JCAD: variants seen among roughly 807,000 people sequenced by gnomAD.
JCAD encodes junctional cadherin 5-associated protein.
JCAD carries 40 observed loss-of-function variants against 98.0 expected under a neutral mutation model. The ratio of observed to expected loss-of-function variants is 0.41; its 90% confidence interval spans 0.32 to 0.53. JCAD has a LOEUF of 0.53. JCAD is among the 20% of genes least tolerant of loss of function. The pLI is 0.31. For synonymous variants in JCAD, 691 were observed against 682.3 expected (o/e 1.01, Z -0.20); for missense variants, 1,705 against 1,738.1 (o/e 0.98, Z 0.34).
intron 1 of JCAD, among the ~76,000 whole-genome samples, chr10:30,100,532 C>T (rs1286591427): frequency 6.6e-6 from 1 of 152,094 alleles, no homozygotes; most frequent in Non-Finnish European, 1.5e-5. Flanking sequence ...CAGGCACCCA[C>T]CACCACACCC....
chr10:30,046,255 G>A (rs757852882), intron 2 of JCAD, among the ~76,000 whole-genome samples: 1 of 152,124 alleles, frequency 6.6e-6, no homozygotes, highest in African/African-American at 2.4e-5. Flanking sequence ...AACCGCCTGG[G>A]AGAGGGTTTC....
Position 30,028,085 on chromosome 10 carries a change from T to C in JCAD, c.2063A>G (p.Asp688Gly). 1 of 1,614,242 alleles carries C rather than the reference T, an allele frequency of 6.2e-7. No homozygotes were observed. The highest frequency in any genetic ancestry group is 8.5e-7 in the Non-Finnish European group (1 of 1,180,034). The change falls in exon 3 of 4, where the codon GAT (aspartate) becomes GGT (glycine). Residue 688 changes from aspartate to glycine, a missense_variant. Coordinates refer to ENST00000375377, the MANE Select transcript of JCAD (RefSeq NM_020848.4). Reference protein sequence around the residue: ...SGSWPGHRYRDQQTQTSFSEE... With the variant: ...SGSWPGHRYRGQQTQTSFSEE... ...GGAGAAACTGGTTTGTGTTTGCTGA[T>C]CTCTGTACCGGTGCCCTGGCCAAGA...
At chr10:30,064,617 T>C (rs1458599382) in intron 2 of JCAD, among the ~76,000 whole-genome samples, 2 of 152,034 alleles carry the variant, frequency 1.3e-5, no homozygotes, top group African/African-American at 4.8e-5. Context: ...CACCAGAACT[T>C]ATTCCTCCTA....
At chr10:30,084,927 G>A (rs1001560762) in intron 1 of JCAD, among the ~76,000 whole-genome samples, 1 of 151,952 alleles carries the variant, frequency 6.6e-6, no homozygotes, top group Admixed American at 6.6e-5. Context: ...GATGAATACG[G>A]ATAGCAATTA....
At chr10:30,019,989 TAAAA>T (rs71023538) in intron 3 of JCAD, among the ~76,000 whole-genome samples, 1 of 133,934 alleles carries the variant, frequency 7.5e-6, no homozygotes. Context: ...GTGATTCACT[TAAAA>T]AAAAAAAAAA....
chr10:30,040,694 A>T (rs1030584439), intron 2 of JCAD, among the ~76,000 whole-genome samples: 3 of 152,156 alleles, frequency 2.0e-5, no homozygotes, highest in African/African-American at 7.2e-5. Flanking sequence ...TCTGGTGATG[A>T]CACCCTAGGG....
upstream of JCAD, among the ~76,000 whole-genome samples, chr10:30,060,468 A>C (rs1473441207): frequency 6.6e-6 from 1 of 152,228 alleles, no homozygotes; most frequent in Non-Finnish European, 1.5e-5. Context: ...GGGTCTGCTC[A>C]GGGCGAACGT....
At chr10:30,089,420 T>C (rs192162375) in intron 1 of JCAD, among the ~76,000 whole-genome samples, 2 of 152,082 alleles carry the variant, frequency 1.3e-5, no homozygotes, top group African/African-American at 4.8e-5. Flanking sequence ...GCTGCCCCAT[T>C]TGGCAGTCAC....
rs765214594 is a variant in JCAD, at chr10:30,015,465, C to T, written c.*2418G>A. ...TTAAACTTTTCAAGTTACCTTCCCC[C>T]CAAAAAAGATTTACATGTAGGCTTA... is the stretch of plus-strand genomic sequence containing the variant. On this transcript the variant is annotated 3_prime_UTR_variant, in exon 4 of 4. Transcript: ENST00000375377. 1.1e-4 allele frequency: 16 copies of T among 152,002 alleles called. No homozygotes were observed. The highest frequency in any genetic ancestry group is 2.1e-4 in the Non-Finnish European group (14 of 67,992). The allele number at this position is 152,002 out of a possible 1,614,324, so 9.4% of individuals were successfully genotyped here.
intron 1 of JCAD, among the ~76,000 whole-genome samples, chr10:30,104,959 G>T (rs1295610889): frequency 6.6e-6 from 1 of 152,166 alleles, no homozygotes; most frequent in Non-Finnish European, 1.5e-5. Flanking sequence ...TAAGAGCTTT[G>T]CATACATTAG....
intron 1 of JCAD, among the ~76,000 whole-genome samples, chr10:30,113,966 T>C (rs1006640089): frequency 3.3e-5 from 5 of 152,182 alleles, no homozygotes; most frequent in African/African-American, 1.2e-4. Flanking sequence ...AGCCTCAGCC[T>C]CGTAAAGGTT....
chr10:30,058,517 T>G (rs987498685), intron 1 of JCAD, among the ~76,000 whole-genome samples: 2 of 152,228 alleles, frequency 1.3e-5, no homozygotes, highest in South Asian at 4.1e-4. Context: ...TATTTTCTTC[T>G]TCAGTAGTGA....
chr10:30,019,228 G>A (rs1589673714), intron 3 of JCAD, among the ~76,000 whole-genome samples: 2 of 151,866 alleles, frequency 1.3e-5, no homozygotes, highest in South Asian at 2.1e-4. Flanking sequence ...ATGGTGGTAC[G>A]TGCCTGTAAT....
At chr10:30,054,946 G>A (rs1837539298) in intron 1 of JCAD, among the ~76,000 whole-genome samples, 1 of 152,180 alleles carries the variant, frequency 6.6e-6, no homozygotes, top group Admixed American at 6.5e-5. Flanking sequence ...TGGGATTACA[G>A]GCGTGAGCCA....
intron 2 of JCAD, among the ~76,000 whole-genome samples, chr10:30,041,982 G>A (rs1837251259): frequency 6.6e-6 from 1 of 152,166 alleles, no homozygotes. Context: ...CTGTGTGTGT[G>A]TGTTTGTGTG....
intron 1 of JCAD, among the ~76,000 whole-genome samples, chr10:30,075,680 C>G (rs750901391): frequency 6.6e-6 from 1 of 152,178 alleles, no homozygotes; most frequent in Non-Finnish European, 1.5e-5. Flanking sequence ...CACCAGCAGA[C>G]GCCAACCTGT....
chr10:30,082,989 G>T (rs1483645509), intron 1 of JCAD, among the ~76,000 whole-genome samples: 2 of 151,618 alleles, frequency 1.3e-5, no homozygotes, highest in Admixed American at 1.3e-4. Context: ...AGCCAAGATT[G>T]CACCACTGCA....
intron 1 of JCAD, among the ~76,000 whole-genome samples, chr10:30,048,428 A>AG (rs1837401737): frequency 6.6e-6 from 1 of 152,222 alleles, no homozygotes; most frequent in South Asian, 2.1e-4. Context: ...AGCAACTGCC[A>AG]GGGCAGCCAC....
chr10:30,047,895 T>C, intron 1 of JCAD, 24 bp from the exon 2 acceptor site: 1 of 1,447,338 alleles, frequency 6.9e-7, no homozygotes, highest in Non-Finnish European at 9.4e-7. Flanking sequence ...GAGAGCTCTA[T>C]TTGTGACTAG....
Sources: gnomAD v4.1 joint callset for allele counts (sites outside exome capture counted in the v4.1 genomes callset) on GRCh38, gnomAD v4.1.1 for gene constraint, MANE v1.5 for transcripts, NCBI Gene and HGNC (gene_info 2026-07-23, HGNC 2026-07-21) for gene names.